The following FERMT2 variants were observed in gnomAD, a reference collection of about 807,000 sequenced individuals.
FERMT2 encodes fermitin family homolog 2.
Under a neutral mutation model 82.7 loss-of-function variants are expected in FERMT2, and 15 were observed. The ratio of observed to expected loss-of-function variants is 0.18; its 90% CI spans 0.12 to 0.28. The LOEUF is 0.28. Ranked by LOEUF, FERMT2 falls within the 10% of genes least tolerant of loss-of-function variation. FERMT2 has a pLI of 1.00. For synonymous variants in FERMT2, 274 were observed against 271.5 expected, an observed-to-expected ratio of 1.01 and a Z score of -0.09; for missense variants, 645 against 809.4, an observed-to-expected ratio of 0.80 and a Z score of 2.46.
At chr14:52,881,773 C>T (rs1886313110) in intron 4 of FERMT2, 2 of 1,319,788 alleles carry the variant, frequency 1.5e-6, no homozygotes, top group Admixed American at 2.3e-5. Context: ...CACTTTTTGT[C>T]TTTAAATTGT....
intron 2 of FERMT2, among the ~76,000 whole-genome samples, chr14:52,937,731 C>A (rs1328215287): frequency 6.6e-6 from 1 of 152,144 alleles, no homozygotes; most frequent in Non-Finnish European, 1.5e-5. Context: ...CATGTTATAC[C>A]TCTATAACCT....
Position 52,893,354 on chromosome 14 carries a change from T to C in FERMT2, c.465A>G (p.Leu155=), listed in dbSNP as rs1594957400. 6.2e-7 allele frequency: 1 copy of C among 1,613,274 alleles called. No homozygotes were observed. Among genetic ancestry groups the C allele is most frequent in the Non-Finnish European group, 8.5e-7 (1 of 1,179,606 alleles). Residue 155 remains leucine (L), a synonymous_variant, in exon 4 of 15, where the codon CTA becomes CTG. Transcript: ENST00000341590. The part of the protein sequence containing the change: ...RDPTKKKKKK[L]DDQSEDEALE... ...GTGCCTCATCTTCAGACTGGTCATC[T>C]AGCTTCTTCTTTTTTTTCTTTGTTG...
chr14:52,889,211 A>G (rs1405051699), intron 4 of FERMT2, among the ~76,000 whole-genome samples: 1 of 152,194 alleles, frequency 6.6e-6, no homozygotes, highest in Admixed American at 6.5e-5. Flanking sequence ...AGTGTTTTGG[A>G]CAAGAAGTTG....
At chr14:52,873,370 G>T (rs1885749105) in intron 9 of FERMT2, among the ~76,000 whole-genome samples, 1 of 152,204 alleles carries the variant, frequency 6.6e-6, no homozygotes, top group Non-Finnish European at 1.5e-5. Context: ...GAAAGTGGGG[G>T]ATGTGCTTCT....
At chr14:52,917,040 C>T (rs981137317) in intron 3 of FERMT2, among the ~76,000 whole-genome samples, 8 of 152,086 alleles carry the variant, frequency 5.3e-5, no homozygotes, top group African/African-American at 1.9e-4. Context: ...TTTGTGGCAA[C>T]GGGTTTTCAT....
At chr14:52,939,724 T>C (rs17125955) in intron 2 of FERMT2, among the ~76,000 whole-genome samples, 22,474 of 152,176 alleles carry the variant, frequency 0.15, 1,835 homozygotes, top group African/African-American at 0.21. Flanking sequence ...CTATGCTCCA[T>C]ACCAAGGGCA....
intron 12 of FERMT2, chr14:52,861,130 A>G: frequency 9.3e-7 from 1 of 1,078,632 alleles, no homozygotes; most frequent in South Asian, 1.6e-5. Flanking sequence ...AGTTGCGGTC[A>G]CCTGCAAACC....
Position 52,858,242 on chromosome 14 carries a change from T to G in FERMT2, c.*135A>C. On this transcript the variant is annotated 3_prime_UTR_variant, in exon 15 of 15. Coordinates refer to ENST00000341590, the MANE Select transcript of FERMT2 (RefSeq NM_006832.3). ...GTGCTTGTTTAGTGCACATATTAAC[T>G]GGTCTGGTAAGGCAAAGAAGTTTTC... 1 of 695,848 alleles carries G rather than the reference T, an allele frequency of 1.4e-6. No individual in the cohort carries two copies. 43.1% of individuals were successfully genotyped at this position (695,848 alleles called of 1,614,324 possible).
intron 2 of FERMT2, among the ~76,000 whole-genome samples, chr14:52,920,496 T>G (rs4901315): frequency 1.3e-5 from 2 of 151,408 alleles, no homozygotes; most frequent in Admixed American, 6.6e-5. Flanking sequence ...TAGCCAGGCA[T>G]GGTGGCATGT....
At chr14:52,932,214 C>G (rs967324528) in intron 2 of FERMT2, among the ~76,000 whole-genome samples, 2 of 152,152 alleles carry the variant, frequency 1.3e-5, no homozygotes, top group African/African-American at 4.8e-5. Flanking sequence ...AGGTGGCACT[C>G]TTAAATTACA....
At chr14:52,890,592 C>A (rs1016135674) in intron 4 of FERMT2, among the ~76,000 whole-genome samples, 2 of 145,128 alleles carry the variant, frequency 1.4e-5, no homozygotes, top group Non-Finnish European at 3.0e-5. Flanking sequence ...ATTACATAGA[C>A]ATAATCTTTT....
chr14:52,867,471 ATT>A (rs111494285), intron 10 of FERMT2, among the ~76,000 whole-genome samples: 1 of 148,072 alleles, frequency 6.8e-6, no homozygotes, highest in Non-Finnish European at 1.5e-5. Context: ...CTTCCTATGC[ATT>A]TTTTTTTTGT....
chr14:52,859,969 C>T (rs561287713), intron 13 of FERMT2: 47 of 277,780 alleles, frequency 1.7e-4, no homozygotes, highest in Non-Finnish European at 2.7e-4. Context: ...AGGCGCCCAC[C>T]ACCATGCCCC....
chr14:52,868,929 A>ATGAG (rs1287980970), intron 10 of FERMT2, among the ~76,000 whole-genome samples: 1 of 152,226 alleles, frequency 6.6e-6, no homozygotes, highest in Non-Finnish European at 1.5e-5. Context: ...GATCAGTGTG[A>ATGAG]TGAGTCCTTT....
chr14:52,923,302 CTG>C (rs1359955085), intron 2 of FERMT2, among the ~76,000 whole-genome samples: 3 of 152,016 alleles, frequency 2.0e-5, no homozygotes, highest in Admixed American at 1.3e-4. Flanking sequence ...CCACACTACT[CTG>C]TTCACACATT....
At chr14:52,885,918 C>A in intron 4 of FERMT2, among the ~76,000 whole-genome samples, 1 of 147,022 alleles carries the variant, frequency 6.8e-6, no homozygotes, top group South Asian at 2.1e-4. Context: ...AAATGGCTAA[C>A]AGATATAAGA....
At chr14:52,914,875 C>A (rs1888532614) in intron 3 of FERMT2, among the ~76,000 whole-genome samples, 1 of 151,814 alleles carries the variant, frequency 6.6e-6, no homozygotes, top group East Asian at 1.9e-4. Context: ...AGCGAAGATA[C>A]CACCACTGAA....
chr14:52,881,594 G>T, intron 4 of FERMT2, 125 bp from the exon 5 acceptor site: 1 of 867,556 alleles, frequency 1.2e-6, no homozygotes, highest in Non-Finnish European at 1.8e-6. Context: ...GGAAAGCTTA[G>T]TATATTATTT....
At chr14:52,949,412 A>C (rs1595034541) in intron 2 of FERMT2, among the ~76,000 whole-genome samples, 1 of 150,472 alleles carries the variant, frequency 6.6e-6, no homozygotes, top group Admixed American at 6.6e-5. Flanking sequence ...GACGAAAAAA[A>C]CCCCCAGAAA....
Sources: allele counts gnomAD v4.1 joint callset (sites outside exome capture counted in the v4.1 genomes callset), GRCh38; gene constraint gnomAD v4.1.1; transcripts MANE v1.5; gene names NCBI Gene and HGNC (gene_info 2026-07-23, HGNC 2026-07-21).